The following GLI2 variants were observed in gnomAD, a reference collection of about 807,000 sequenced individuals.
GLI2 encodes the protein transcription activator GLI2.
In GLI2, 22 loss-of-function variants were observed where a neutral mutation model predicts 78.9. The ratio of observed to expected loss-of-function variants is 0.28; its 90% CI spans 0.20 to 0.40. The LOEUF (loss-of-function observed/expected upper bound fraction) is 0.40. Ranked by LOEUF, GLI2 falls within the 10% of genes least tolerant of loss-of-function variation. The pLI is 1.00. For synonymous variants in GLI2, 974 were observed against 963.7 expected, an observed-to-expected ratio of 1.01 and a Z score of -0.20; for missense variants, 2,097 against 2,213.2, an observed-to-expected ratio of 0.95 and a Z score of 1.05.
At chr2:120,803,722 T>C (rs1684806365) in intron 2 of GLI2, among the ~76,000 whole-genome samples, 1 of 152,228 alleles carries the variant, frequency 6.6e-6, no homozygotes, top group African/African-American at 2.4e-5. Flanking sequence ...CAAAGGTTAC[T>C]AAAGCTGGCC....
intron 2 of GLI2, among the ~76,000 whole-genome samples, chr2:120,915,583 G>A (rs968035288): frequency 3.3e-5 from 5 of 152,106 alleles, no homozygotes; most frequent in African/African-American, 9.7e-5. Flanking sequence ...TCCATGATTC[G>A]TGCTCTTTTG....
chr2:120,759,161 A>T (rs558320150), intron 1 of GLI2, among the ~76,000 whole-genome samples: 57 of 152,340 alleles, frequency 3.7e-4, no homozygotes, highest in African/African-American at 1.3e-3. Flanking sequence ...CACTCTGTCA[A>T]CACAGAAAAC....
Position 120,988,737 on chromosome 2 carries a change from C to A in GLI2, c.2772C>A (p.Ser924Arg), listed in dbSNP as rs994748700. The A allele has an allele frequency of 9.1e-5, 109 of 1,199,230 alleles. No individual in the cohort carries two copies. Among genetic ancestry groups the A allele is most frequent in the Non-Finnish European group, 1.1e-4 (108 of 965,326 alleles). 74.3% of individuals were successfully genotyped at this position (1,199,230 alleles called of 1,614,324 possible). The stretch of plus-strand genomic sequence containing the variant: ...GCCCACTGGGGCCGCGGCGTGGCAG[C>A]GACGGGCCGACCTATGGCCACGGCC... Reference protein sequence around the residue: ...CPRPLGPRRGSDGPTYGHGHA... With the variant: ...CPRPLGPRRGRDGPTYGHGHA... The change falls in exon 14 of 14, where the codon AGC becomes AGA. Residue 924 changes from serine to arginine, a missense_variant. Ser to Arg is a moderately radical substitution (Grantham distance 110, BLOSUM62 -1). This residue lies in a region of GLI2 where 1,290 missense variants were observed against 1,261.7 expected (regional missense o/e 1.02). Transcript: ENST00000361492.
chr2:120,857,026 G>A (rs1350596740), intron 2 of GLI2, among the ~76,000 whole-genome samples: 1 of 152,080 alleles, frequency 6.6e-6, no homozygotes, highest in Non-Finnish European at 1.5e-5. Flanking sequence ...AAGCTGGGCA[G>A]AAAAGCTCAT....
At chr2:120,974,648 G>A (rs1682358672) in intron 8 of GLI2, among the ~76,000 whole-genome samples, 1 of 152,232 alleles carries the variant, frequency 6.6e-6, no homozygotes, top group Non-Finnish European at 1.5e-5. Flanking sequence ...AGGGAAAACT[G>A]GTTCCCCACA....
rs112559413 is a variant in GLI2 at position 120,954,380 on chromosome 2, G to A, written c.458-865G>A. Among the ~76,000 whole-genome samples the A allele has an allele frequency of 3.5e-3, 538 of 152,276 alleles. 5 individuals are homozygous for A. The highest frequency in any genetic ancestry group is 0.012 in the African/African-American group (515 of 41,546). ...GGGCGATCAGCCTGGCTGGAGGCCC[G>A]GACTCTTGGGAGATGCAGCAGGAGA... On this transcript the variant is annotated intron_variant, in intron 4 of 13. Transcript: ENST00000361492.
At chr2:120,902,932 A>C (rs927166288) in intron 2 of GLI2, among the ~76,000 whole-genome samples, 2 of 152,210 alleles carry the variant, frequency 1.3e-5, no homozygotes, top group African/African-American at 4.8e-5. Flanking sequence ...AAGTTGCAGA[A>C]GTTGTTCATT....
At chr2:120,984,422 GT>G (rs1682867697) in intron 11 of GLI2, 48 bp from the exon 12 acceptor site, 1 of 1,601,354 alleles carries the variant, frequency 6.2e-7, no homozygotes, top group Non-Finnish European at 8.6e-7. Context: ...CCCCTTCAGA[GT>G]TGATCCTCGT....
At chr2:120,796,494 C>G (rs1171446898) in intron 1 of GLI2, among the ~76,000 whole-genome samples, 1 of 152,224 alleles carries the variant, frequency 6.6e-6, no homozygotes, top group East Asian at 1.9e-4. Flanking sequence ...AGAAGCCAGC[C>G]TCCTCCCACA....
intron 5 of GLI2, among the ~76,000 whole-genome samples, chr2:120,960,968 C>G (rs752841134): frequency 6.6e-6 from 1 of 152,158 alleles, no homozygotes; most frequent in African/African-American, 2.4e-5. Flanking sequence ...GTCAGGGAAC[C>G]GAGGTCATCA....
intron 1 of GLI2, among the ~76,000 whole-genome samples, chr2:120,784,433 T>A (rs1683936688): frequency 1.3e-5 from 2 of 151,926 alleles, no homozygotes; most frequent in African/African-American, 4.8e-5. Flanking sequence ...ACAGGCAGTG[T>A]CTGGGGGTTG....
chr2:120,760,350 G>A (rs1024796384), intron 1 of GLI2, among the ~76,000 whole-genome samples: 6 of 152,200 alleles, frequency 3.9e-5, no homozygotes, highest in African/African-American at 1.4e-4. Context: ...GGGCCTCCCA[G>A]GTGCCATCGC....
At chr2:120,947,678 G>T (rs1338071586) in intron 3 of GLI2, among the ~76,000 whole-genome samples, 1 of 152,204 alleles carries the variant, frequency 6.6e-6, no homozygotes, top group African/African-American at 2.4e-5. Flanking sequence ...CCAGGTGCCC[G>T]GCCCTGGTCA....
At chr2:120,807,503 A>G (rs1478795767) in intron 2 of GLI2, among the ~76,000 whole-genome samples, 1 of 152,180 alleles carries the variant, frequency 6.6e-6, no homozygotes, top group East Asian at 1.9e-4. Flanking sequence ...CCTTAAAAAT[A>G]TTTGAGAGAG....
chr2:120,827,789 A>C (rs1275545361), intron 2 of GLI2, among the ~76,000 whole-genome samples: 2 of 152,224 alleles, frequency 1.3e-5, no homozygotes, highest in Non-Finnish European at 2.9e-5. Flanking sequence ...AAAAGGACAT[A>C]TACTGTTTTA....
chr2:120,882,005 C>G (rs769968787), intron 2 of GLI2, among the ~76,000 whole-genome samples: 6 of 152,064 alleles, frequency 3.9e-5, no homozygotes, highest in Non-Finnish European at 8.8e-5. Context: ...TAGGGGACAA[C>G]TAAGGCCCTG....
At chr2:120,969,481 G>A (rs2105016085) in intron 6 of GLI2, among the ~76,000 whole-genome samples, 1 of 152,388 alleles carries the variant, frequency 6.6e-6, no homozygotes, top group Non-Finnish European at 1.5e-5. Context: ...TGTCAGGAGA[G>A]TTTGTCCCAA....
chr2:120,893,075 T>G (rs1431517681), intron 2 of GLI2, among the ~76,000 whole-genome samples: 2 of 152,224 alleles, frequency 1.3e-5, no homozygotes, highest in Non-Finnish European at 2.9e-5. Flanking sequence ...CCAGCGTGCA[T>G]AGTTATGAGT....
intron 1 of GLI2, among the ~76,000 whole-genome samples, chr2:120,763,129 G>T (rs1683264519): frequency 6.6e-6 from 1 of 151,936 alleles, no homozygotes; most frequent in South Asian, 2.1e-4. Context: ...TTAATCTTGG[G>T]TTCTCTGAAT....
Sources: allele counts gnomAD v4.1 joint callset (sites outside exome capture counted in the v4.1 genomes callset), GRCh38; gene constraint gnomAD v4.1.1; regional missense constraint gnomAD v4.1.1; transcripts MANE v1.5; gene names NCBI Gene and HGNC (gene_info 2026-07-23, HGNC 2026-07-21).